Variants in GOLGA3 observed in about 807,000 individuals in gnomAD.
GOLGA3 encodes the protein golgin subfamily A member 3.
A neutral mutation model predicts 169.4 loss-of-function variants in GOLGA3; 75 were observed. The ratio of observed to expected loss-of-function variants is 0.44; its 90% CI spans 0.37 to 0.54. The LOEUF (loss-of-function observed/expected upper bound fraction) is 0.54. GOLGA3 is among the 20% of genes least tolerant of loss of function. The probability of loss-of-function intolerance (pLI) is 0.00; values close to 1 mark genes in which losing one functional copy is unlikely to be tolerated. For synonymous variants in GOLGA3, 824 were observed against 822.4 expected (o/e 1.00, Z -0.03); for missense variants, 1,899 against 1,930.0 (o/e 0.98, Z 0.30).
In GOLGA3 at chr12:132,773,225, C is replaced by T. The variant is rs749061772; in HGVS notation, c.4377G>A (p.Ser1459=). Residue 1459 remains serine, a synonymous_variant, in exon 24 of 24, where the codon TCG becomes TCA. Coordinates refer to ENST00000450791, the MANE Select transcript of GOLGA3 (RefSeq NM_001389683.1). ...HALTVHESLS[S]WTPLEPATAS... is the part of the protein sequence containing the mutation. ...CAGTGGCTGGCTCCAGCGGCGTCCA[C>T]GAGGACAGAGACTCGTGCACCGTCA... is the stretch of plus-strand genomic sequence containing the variant. 3.8e-6 allele frequency: 6 copies of T among 1,568,948 alleles called. No homozygotes were observed. The highest frequency in any genetic ancestry group is 2.7e-5 in the African/African-American group (2 of 73,242).
At position 132,804,351 on chromosome 12, in the gene GOLGA3, C is replaced by T. The variant is rs879891555; in HGVS notation, c.1597+365G>A. Reference sequence around the variant, plus strand: ...GTCAATCTCCAAGACCTAATTCATTCCCCTGGATGTGCACACAAAAATGTA... The same window carrying T: ...GTCAATCTCCAAGACCTAATTCATTTCCCTGGATGTGCACACAAAAATGTA... On this transcript the variant is annotated intron_variant, in intron 7 of 23. Coordinates refer to ENST00000450791, the MANE Select transcript of GOLGA3 (RefSeq NM_001389683.1). This position sits in a 1 kb window ranked among gnomAD's most constrained non-coding sequence, Gnocchi z 4.1. Among the ~76,000 whole-genome samples, 9 of 152,232 alleles carry T rather than the reference C, an allele frequency of 5.9e-5. No individual in the cohort carries two copies. Among genetic ancestry groups the T allele is most frequent in the Non-Finnish European group, 1.0e-4 (7 of 68,034 alleles).
rs747395378 is a variant in GOLGA3, at chr12:132,791,209, T to G, written c.2547+7A>C. On this transcript the variant is annotated splice_region_variant and intron_variant, in intron 12 of 23. Transcript: ENST00000450791. The stretch of plus-strand genomic sequence containing the variant: ...TTCAAGTGAAGAAATCAACAACAGA[T>G]TTTTACCTTTTGTTGGAGAAACTGT... The G allele has an allele frequency of 1.0e-5, 16 of 1,551,760 alleles. No individual in the cohort carries two copies. Among genetic ancestry groups the G allele is most frequent in the Non-Finnish European group, 1.4e-5 (16 of 1,124,392 alleles).
At position 132,787,894 on chromosome 12, in the gene GOLGA3, T is replaced by C. The variant is rs531545826; in HGVS notation, c.2812-1107A>G. ...CTTCCCGAGACCCCAGGACCCTTCC[T>C]GAGACCCCAGGACCCTTCCCTGGAC... On this transcript the variant is annotated intron_variant, in intron 13 of 23. Coordinates refer to ENST00000450791, the MANE Select transcript of GOLGA3 (RefSeq NM_001389683.1). 2.4e-3 allele frequency among the ~76,000 whole-genome samples: 331 copies of C among 136,920 alleles called. 10 individuals carry two copies. The highest frequency in any genetic ancestry group is 8.4e-3 in the Middle Eastern group (2 of 238). 89.8% of individuals were successfully genotyped at this position (136,920 alleles called of 152,430 possible).
intron 6 of GOLGA3, among the ~76,000 whole-genome samples, chr12:132,805,639 G>C (rs1949359185): frequency 6.6e-6 from 1 of 151,746 alleles, no homozygotes; most frequent in African/African-American, 2.4e-5. Flanking sequence ...GAGACCCCCA[G>C]GCGCTCTCCC....
intron 14 of GOLGA3, 67 bp downstream of exon 14, chr12:132,786,626 G>C: frequency 1.3e-6 from 2 of 1,556,358 alleles, no homozygotes; most frequent in Admixed American, 3.4e-5. Context: ...ATTCTGGTTC[G>C]CCTCCCCCCC....
Position 132,809,859 on chromosome 12 carries a change from C to T in GOLGA3, c.520-1310G>A, listed in dbSNP as rs139122165. Among the ~76,000 whole-genome samples the T allele has an allele frequency of 6.4e-3, 978 of 152,280 alleles. 19 individuals carry two copies. The highest frequency in any genetic ancestry group is 0.022 in the African/African-American group (925 of 41,542). ...AGCCCGTGTCCTCTGTCTCTTGCCT[C>T]GGTGCCTGAGTGGCTTGCCACCCAC... On this transcript the variant is annotated intron_variant, in intron 4 of 23. Coordinates refer to ENST00000450791, the MANE Select transcript of GOLGA3 (RefSeq NM_001389683.1).
At chr12:132,774,869 C>T (rs922546140) in intron 22 of GOLGA3, 4 of 528,182 alleles carry the variant, frequency 7.6e-6, no homozygotes, top group African/African-American at 2.0e-5. Flanking sequence ...CAGGGACTGC[C>T]GAGTCACAGA....
chr12:132,819,861 G>A (rs1478265942), intron 2 of GOLGA3, among the ~76,000 whole-genome samples: 1 of 152,158 alleles, frequency 6.6e-6, no homozygotes, highest in African/African-American at 2.4e-5. Flanking sequence ...GCAACAGCAA[G>A]ACTGTTTATA....
At chr12:132,795,197 A>AG (rs888985436) in intron 11 of GOLGA3, among the ~76,000 whole-genome samples, 2 of 151,840 alleles carry the variant, frequency 1.3e-5, no homozygotes, top group African/African-American at 2.4e-5. Context: ...AAAAAAAAAA[A>AG]AAAGAAAAAA....
At chr12:132,826,000 C>A in intron 1 of GOLGA3, 4 of 1,125,470 alleles carry the variant, frequency 3.6e-6, no homozygotes, top group Non-Finnish European at 5.4e-6. Flanking sequence ...GCAAGTACAA[C>A]CACTTCGAGA....
At chr12:132,785,684 G>C (rs1344368935) in intron 15 of GOLGA3, among the ~76,000 whole-genome samples, 1 of 152,192 alleles carries the variant, frequency 6.6e-6, no homozygotes, top group Non-Finnish European at 1.5e-5. Context: ...AAGTGGACAG[G>C]AGATAGAAAC....
intron 3 of GOLGA3, among the ~76,000 whole-genome samples, chr12:132,814,023 C>CTTT (rs34633724): frequency 9.7e-6 from 1 of 102,992 alleles, no homozygotes; most frequent in Non-Finnish European, 1.9e-5. Context: ...CGCGCCCGGC[C>CTTT]TTTTTTTTTT....
intron 12 of GOLGA3, among the ~76,000 whole-genome samples, chr12:132,789,587 C>T (rs987141063): frequency 1.3e-5 from 2 of 152,312 alleles, no homozygotes; most frequent in African/African-American, 4.8e-5. Context: ...AGTTGCACGG[C>T]TTTGCTTCCA....
rs1950243210 is a variant in GOLGA3 at position 132,822,020 on chromosome 12, G to C, written c.109C>G (p.Pro37Ala). The C allele has an allele frequency of 8.1e-6, 13 of 1,609,172 alleles. No homozygotes were observed. Among genetic ancestry groups the C allele is most frequent in the Non-Finnish European group, 1.1e-5 (13 of 1,177,974 alleles). Residue 37 changes from proline (P) to alanine (A), a missense_variant, in exon 2 of 24, where the codon CCT (proline) becomes GCT (alanine). Transcript: ENST00000450791. ...CACTGGACTTTGTCCTGCTGGTCAGGTGGCACCAGTGGGCCCGGGGGCTTC... is the reference window on the plus strand; with the variant it reads ...CACTGGACTTTGTCCTGCTGGTCAGCTGGCACCAGTGGGCCCGGGGGCTTC... The part of the protein sequence containing the change: ...PLKPPGPLVP[P>A]DQQDKVQCAE...
chr12:132,815,396 T>TCA (rs1949913324), intron 3 of GOLGA3, among the ~76,000 whole-genome samples: 1 of 152,188 alleles, frequency 6.6e-6, no homozygotes, highest in African/African-American at 2.4e-5. Flanking sequence ...GGGCCAGAGC[T>TCA]CACACATCTG....
At chr12:132,784,851 C>T (rs2045815317) in intron 15 of GOLGA3, among the ~76,000 whole-genome samples, 1 of 151,926 alleles carries the variant, frequency 6.6e-6, no homozygotes, top group South Asian at 2.1e-4. Flanking sequence ...CATATGCTCA[C>T]ATCCCACACA....
At chr12:132,807,759 T>TCCC in intron 5 of GOLGA3, 132 bp downstream of exon 5, 1 of 448,532 alleles carries the variant, frequency 2.2e-6, no homozygotes, top group South Asian at 2.6e-5. Context: ...TGCCCGTCTC[T>TCCC]GCCCACCCCG....
At chr12:132,779,003 G>A (rs2045401677) in intron 18 of GOLGA3, among the ~76,000 whole-genome samples, 1 of 152,218 alleles carries the variant, frequency 6.6e-6, no homozygotes. Flanking sequence ...GCAGGCCCCA[G>A]GCCAGGGTTA....
intron 12 of GOLGA3, 92 bp from the exon 13 acceptor site, chr12:132,789,382 C>T: frequency 8.9e-7 from 1 of 1,119,288 alleles, no homozygotes; most frequent in Non-Finnish European, 1.2e-6. Context: ...AAATGTTTAC[C>T]ACTTATCGGG....
Sources: allele counts gnomAD v4.1 joint callset (sites outside exome capture counted in the v4.1 genomes callset), GRCh38; gene constraint gnomAD v4.1.1; non-coding constraint Gnocchi (gnomAD v3.1); transcripts MANE v1.5; gene names NCBI Gene and HGNC (gene_info 2026-07-23, HGNC 2026-07-21).